Variants in LARS2 observed in about 807,000 individuals in gnomAD.
The protein encoded by LARS2 is leucine--tRNA ligase, mitochondrial.
Under a neutral mutation model 116.6 loss-of-function variants are expected in LARS2, and 81 were observed. The observed-to-expected ratio is 0.69, with a 90% CI of 0.58 to 0.84. The LOEUF is 0.84. Ranked by LOEUF, LARS2 falls within the 40% of genes least tolerant of loss-of-function variation. The pLI is 0.00. For missense variants in LARS2, 968 were observed against 1,114.5 expected, an observed-to-expected ratio of 0.87 and a Z score of 1.87; for synonymous variants, 396 against 407.2, an observed-to-expected ratio of 0.97 and a Z score of 0.33.
chr3:45,515,943 G>A (rs1700363319), intron 16 of LARS2, 151 bp from the exon 17 acceptor site: 2 of 598,848 alleles, frequency 3.3e-6, no homozygotes, highest in African/African-American at 1.9e-5. Context: ...TAACAATACA[G>A]AGGGAGAGAA....
chr3:45,492,164 G>A (rs1022073667), intron 13 of LARS2, among the ~76,000 whole-genome samples: 2 of 152,220 alleles, frequency 1.3e-5, no homozygotes, highest in African/African-American at 2.4e-5. Flanking sequence ...GGGAGAAAAT[G>A]TTCTCTTCTC....
intron 12 of LARS2, 54 bp from the exon 13 acceptor site, chr3:45,491,463 G>T: frequency 6.4e-7 from 1 of 1,559,320 alleles, no homozygotes; most frequent in Non-Finnish European, 8.8e-7. Flanking sequence ...CAGCATCAGG[G>T]TGGTGACTGG....
intron 5 of LARS2, among the ~76,000 whole-genome samples, chr3:45,418,177 G>A (rs1698460851): frequency 6.6e-6 from 1 of 152,168 alleles, no homozygotes; most frequent in Non-Finnish European, 1.5e-5. Flanking sequence ...CCTAGAACTT[G>A]GCAGAATCCT....
chr3:45,401,103 G>A (rs1394077801), intron 4 of LARS2, among the ~76,000 whole-genome samples: 3 of 152,158 alleles, frequency 2.0e-5, no homozygotes, highest in African/African-American at 7.2e-5. Flanking sequence ...GAGCCACCAT[G>A]CCCGGCAGAG....
intron 7 of LARS2, among the ~76,000 whole-genome samples, chr3:45,454,612 A>G (rs1208822679): frequency 6.6e-6 from 1 of 152,230 alleles, no homozygotes; most frequent in Non-Finnish European, 1.5e-5. Flanking sequence ...AAATAAGGCT[A>G]GTTAACTACA....
intron 4 of LARS2, among the ~76,000 whole-genome samples, chr3:45,416,840 C>T (rs1277664103): frequency 3.3e-5 from 5 of 152,026 alleles, no homozygotes; most frequent in East Asian, 3.9e-4. Context: ...TTTAGGAGGC[C>T]GATGCGGGCG....
intron 13 of LARS2, among the ~76,000 whole-genome samples, chr3:45,494,334 G>C (rs1699973378): frequency 6.6e-6 from 1 of 152,176 alleles, no homozygotes; most frequent in African/African-American, 2.4e-5. Context: ...ACAAATGGAA[G>C]ACAGAAATAC....
intron 4 of LARS2, among the ~76,000 whole-genome samples, chr3:45,403,467 C>T (rs1020668487): frequency 1.3e-5 from 2 of 152,110 alleles, no homozygotes; most frequent in African/African-American, 4.8e-5. Flanking sequence ...CAGGCACCCA[C>T]CACCACACTC....
chr3:45,417,807 TAC>T (rs1444072346), intron 5 of LARS2, among the ~76,000 whole-genome samples: 1 of 152,210 alleles, frequency 6.6e-6, no homozygotes, highest in Admixed American at 6.5e-5. Context: ...CTTTGTTATT[TAC>T]AGTTATTTTT....
intron 20 of LARS2, among the ~76,000 whole-genome samples, chr3:45,524,447 A>G (rs560164468): frequency 6.6e-6 from 1 of 152,280 alleles, no homozygotes; most frequent in African/African-American, 2.4e-5. Flanking sequence ...GTTTAATACC[A>G]CTGTACAGGT....
At chr3:45,504,258 CA>C (rs1410501403) in intron 15 of LARS2, among the ~76,000 whole-genome samples, 1 of 151,630 alleles carries the variant, frequency 6.6e-6, no homozygotes, top group African/African-American at 2.4e-5. Flanking sequence ...AATTCTGGGT[CA>C]AAAAATATGT....
At chr3:45,413,381 A>G (rs1575237219) in intron 4 of LARS2, among the ~76,000 whole-genome samples, 1 of 152,232 alleles carries the variant, frequency 6.6e-6, no homozygotes, top group Non-Finnish European at 1.5e-5. Flanking sequence ...AAGTGCTGCC[A>G]TTTATTGGGT....
chr3:45,404,101 A>G (rs78414741), intron 4 of LARS2, among the ~76,000 whole-genome samples: 6,566 of 152,180 alleles, frequency 0.043, 203 homozygotes, highest in Non-Finnish European at 0.068. Context: ...CATATTATCC[A>G]TCCTGTGGCT....
At chr3:45,440,489 A>C (rs1371884674) in intron 6 of LARS2, among the ~76,000 whole-genome samples, 3 of 152,242 alleles carry the variant, frequency 2.0e-5, no homozygotes, top group Non-Finnish European at 4.4e-5. Flanking sequence ...TTGTTGCTAG[A>C]AACTGTGATG....
At chr3:45,486,924 G>A (rs1433717715) in intron 11 of LARS2, among the ~76,000 whole-genome samples, 1 of 152,036 alleles carries the variant, frequency 6.6e-6, no homozygotes, top group Non-Finnish European at 1.5e-5. Context: ...ATTTTTTTAG[G>A]TGCATATGGA....
intron 4 of LARS2, among the ~76,000 whole-genome samples, chr3:45,402,721 G>C (rs1360971558): frequency 3.3e-5 from 5 of 152,190 alleles, no homozygotes; most frequent in Admixed American, 6.5e-5. Context: ...TCCACTTTAA[G>C]ATGGCTGAGG....
chr3:45,484,817 A>T (rs1042656795), intron 10 of LARS2, among the ~76,000 whole-genome samples: 1 of 150,188 alleles, frequency 6.7e-6, no homozygotes, highest in South Asian at 2.1e-4. Flanking sequence ...ATAACTTTTT[A>T]TTTTTCCTAG....
chr3:45,528,378 A>G (rs1287096687), intron 20 of LARS2, among the ~76,000 whole-genome samples: 4 of 152,040 alleles, frequency 2.6e-5, no homozygotes, highest in African/African-American at 4.8e-5. Context: ...TCACTTACCT[A>G]TGTGTATTGT....
intron 6 of LARS2, among the ~76,000 whole-genome samples, chr3:45,445,608 C>A (rs1699005169): frequency 6.6e-6 from 1 of 152,210 alleles, no homozygotes; most frequent in Non-Finnish European, 1.5e-5. Context: ...GGGCAAAGCC[C>A]TTTGACTGGC....
Sources: gnomAD v4.1 joint callset for allele counts (sites outside exome capture counted in the v4.1 genomes callset) on GRCh38, gnomAD v4.1.1 for gene constraint, MANE v1.5 for transcripts, NCBI Gene and HGNC (gene_info 2026-07-23, HGNC 2026-07-21) for gene names.